PNPT1: variants seen among roughly 807,000 people sequenced by gnomAD.
The protein encoded by PNPT1 is polyribonucleotide nucleotidyltransferase 1, also known as polyribonucleotide nucleotidyltransferase 1, mitochondrial.
A neutral mutation model predicts 119.5 loss-of-function variants in PNPT1; 53 were observed. That is an observed-to-expected ratio of 0.44 (90% CI 0.36 to 0.56). The LOEUF (loss-of-function observed/expected upper bound fraction) is 0.56, where lower values mean the gene tolerates loss of function less well. Ranked by LOEUF, PNPT1 falls within the 20% of genes least tolerant of loss-of-function variation. The pLI, the probability that PNPT1 is intolerant of heterozygous loss-of-function variation, is 0.00. For synonymous variants in PNPT1, 357 were observed against 322.1 expected (o/e 1.11, Z -1.16); for missense variants, 948 against 938.5 (o/e 1.01, Z -0.13).
chr2:55,661,091 C>CTT (rs1171064705), intron 14 of PNPT1, among the ~76,000 whole-genome samples: 450 of 71,598 alleles, frequency 6.3e-3, no homozygotes, highest in East Asian at 0.012. Context: ...AATAGAGATT[C>CTT]TTTTTTTTTT....
chr2:55,637,707 C>G, intron 26 of PNPT1, 108 bp from the exon 27 acceptor site: 3 of 986,238 alleles, frequency 3.0e-6, no homozygotes, highest in South Asian at 2.8e-5. Context: ...TTAAAAAAAT[C>G]AGTTAGCGGC....
intron 7 of PNPT1, 125 bp from the exon 8 acceptor site, chr2:55,679,920 G>A (rs1010397636): frequency 4.2e-5 from 28 of 659,576 alleles, no homozygotes; most frequent in East Asian, 3.5e-4. Flanking sequence ...GTTTCTACAC[G>A]GTATTTAAGA....
In PNPT1 at chr2:55,687,827, C is replaced by T. The variant is rs10184187; in HGVS notation, c.162-122G>A. Reference sequence around the variant, plus strand: ...ACCCCCAACCCACCCACTCCACCAACAAAAAGGGGCAGAATCCATGATCAT... The same window carrying T: ...ACCCCCAACCCACCCACTCCACCAATAAAAAGGGGCAGAATCCATGATCAT... On this transcript the variant is annotated intron_variant, in intron 1 of 27. Transcript: ENST00000447944. 9.2e-4 allele frequency: 556 copies of T among 602,334 alleles called. 8 individuals carry two copies. The highest frequency in any genetic ancestry group is 6.8e-3 in the African/African-American group (360 of 52,680). The allele number at this position is 602,334 out of a possible 1,614,324, so 37.3% of individuals were successfully genotyped here.
At chr2:55,674,551 C>G (rs1287772112) in intron 8 of PNPT1, among the ~76,000 whole-genome samples, 1 of 152,140 alleles carries the variant, frequency 6.6e-6, no homozygotes, top group Admixed American at 6.5e-5. Flanking sequence ...TGAGATCACG[C>G]CACTGCACTC....
intron 3 of PNPT1, among the ~76,000 whole-genome samples, chr2:55,685,402 C>G (rs1697374884): frequency 6.6e-6 from 1 of 152,142 alleles, no homozygotes; most frequent in Non-Finnish European, 1.5e-5. Flanking sequence ...ATGGCCTGTG[C>G]CCATAGTCCT....
At chr2:55,669,477 G>T (rs1316165414) in intron 11 of PNPT1, among the ~76,000 whole-genome samples, 3 of 152,234 alleles carry the variant, frequency 2.0e-5, no homozygotes, top group East Asian at 1.9e-4. Flanking sequence ...CTTCAGAAAA[G>T]AATAATTTTT....
chr2:55,657,963 C>T (rs1365382414), intron 15 of PNPT1, among the ~76,000 whole-genome samples: 2 of 140,730 alleles, frequency 1.4e-5, no homozygotes, highest in Non-Finnish European at 3.0e-5. Context: ...TCAGGCCGGG[C>T]ATAGTGGCTT....
At chr2:55,671,205 T>A in intron 11 of PNPT1, 114 bp downstream of exon 11, 2 of 504,596 alleles carry the variant, frequency 4.0e-6, no homozygotes, top group Non-Finnish European at 6.8e-6. Flanking sequence ...CTTCTTTTCC[T>A]ACAGATGTGA....
At chr2:55,653,473 G>A (rs975122096) in intron 18 of PNPT1, among the ~76,000 whole-genome samples, 2 of 152,126 alleles carry the variant, frequency 1.3e-5, no homozygotes, top group African/African-American at 4.8e-5. Context: ...CTTTTTTCAA[G>A]ATTTGTTCAG....
chr2:55,692,871 G>A (rs1206025187), intron 1 of PNPT1, among the ~76,000 whole-genome samples: 1 of 151,988 alleles, frequency 6.6e-6, no homozygotes, highest in Non-Finnish European at 1.5e-5. Context: ...CAAAGTGCTG[G>A]GATTACAGGT....
chr2:55,654,239 A>G (rs1172741404), intron 18 of PNPT1, among the ~76,000 whole-genome samples: 1 of 147,092 alleles, frequency 6.8e-6, no homozygotes, highest in Non-Finnish European at 1.5e-5. Flanking sequence ...CCTGGACAAC[A>G]GAGCGAGACT....
intron 14 of PNPT1, 74 bp from the exon 15 acceptor site, chr2:55,660,267 G>T: frequency 7.1e-7 from 1 of 1,411,356 alleles, no homozygotes; most frequent in African/African-American, 1.5e-5. Context: ...AACTAAAACA[G>T]ATTTAAGGGG....
At position 55,635,113 on chromosome 2, in the gene PNPT1, T is replaced by C. The variant is rs1695626314; in HGVS notation, c.*1124A>G. 1 of 152,138 alleles carries C rather than the reference T, an allele frequency of 6.6e-6. No individual in the cohort carries two copies. The highest frequency in any genetic ancestry group is 1.5e-5 in the Non-Finnish European group (1 of 68,024). The allele number at this position is 152,138 out of a possible 1,614,324, so 9.4% of individuals were successfully genotyped here. ...TCTAAATTATGACGTCCACATACCATTTACTTTTCTGTGGAATTATAAGGT... is the reference window on the plus strand; with the variant it reads ...TCTAAATTATGACGTCCACATACCACTTACTTTTCTGTGGAATTATAAGGT... On this transcript the variant is annotated 3_prime_UTR_variant, in exon 28 of 28. Transcript: ENST00000447944.
In PNPT1 at chr2:55,684,982, C is replaced by G. The variant is rs776130089; in HGVS notation, c.364G>C (p.Gly122Arg). 1 of 1,593,282 alleles carries G rather than the reference C, an allele frequency of 6.3e-7. No homozygotes were observed. The change falls in exon 4 of 28, where the codon GGT becomes CGT. Residue 122 changes from glycine to arginine, a missense_variant. By Grantham distance (125) the Gly-to-Arg change is moderately radical. Coordinates refer to ENST00000447944, the MANE Select transcript of PNPT1 (RefSeq NM_033109.5). Reference protein sequence around the residue: ...IPTNYLRREIGTSDKEILTSR... With the variant: ...IPTNYLRREIRTSDKEILTSR... ...GTTAGAATTTCTTTATCAGAAGTAC[C>G]AATCTCTCTTCTCAGATAGTTTGTG... is the stretch of plus-strand genomic sequence containing the variant.
chr2:55,666,349 C>T (rs1696730670), intron 13 of PNPT1, among the ~76,000 whole-genome samples: 1 of 152,150 alleles, frequency 6.6e-6, no homozygotes. Context: ...ACCTCGAACT[C>T]CTGGCCTCAA....
intron 8 of PNPT1, among the ~76,000 whole-genome samples, chr2:55,675,341 G>T (rs1697031468): frequency 6.6e-6 from 1 of 150,706 alleles, no homozygotes; most frequent in Non-Finnish European, 1.5e-5. Flanking sequence ...TAATTCCAGT[G>T]CTATGGGAGG....
chr2:55,661,823 G>A, intron 14 of PNPT1, 133 bp downstream of exon 14: 3 of 802,998 alleles, frequency 3.7e-6, no homozygotes, highest in Non-Finnish European at 5.4e-6. Flanking sequence ...AAATCATGAT[G>A]ATGTAAACAG....
rs745589532 is a variant in PNPT1, at chr2:55,673,003, G to A, written c.756C>T (p.Thr252=). ...CHAIKVGVKY[T]QQIIQGIQQL... The stretch of plus-strand genomic sequence containing the variant: ...GCTGAATGCCCTGAATTATTTGTTG[G>A]GTATATTTCACTCCCACTTTGATAG... Residue 252 remains threonine, a synonymous_variant, in exon 9 of 28, where the codon ACC becomes ACT. Coordinates refer to ENST00000447944, the MANE Select transcript of PNPT1 (RefSeq NM_033109.5). 4 of 1,612,612 alleles carry A rather than the reference G, an allele frequency of 2.5e-6. No homozygotes were observed. In the South Asian group the frequency reaches 4.4e-5, roughly 18 times the overall value.
chr2:55,659,854 A>G (rs932791785), intron 15 of PNPT1, among the ~76,000 whole-genome samples: 1 of 152,232 alleles, frequency 6.6e-6, no homozygotes, highest in Non-Finnish European at 1.5e-5. Flanking sequence ...TAGTCACTGT[A>G]AAGTTCTTTC....
Sources: gnomAD v4.1 joint callset for allele counts (sites outside exome capture counted in the v4.1 genomes callset) on GRCh38, gnomAD v4.1.1 for gene constraint, MANE v1.5 for transcripts, NCBI Gene and HGNC (gene_info 2026-07-23, HGNC 2026-07-21) for gene names.